The following ZNF786 variants were observed in gnomAD, a reference collection of about 807,000 sequenced individuals.
The protein encoded by ZNF786 is zinc finger protein 786.
ZNF786 carries 56 observed loss-of-function variants against 63.1 expected under a neutral mutation model. That is an observed-to-expected ratio of 0.89 (90% CI 0.72 to 1.11). The LOEUF (loss-of-function observed/expected upper bound fraction) is 1.11. Ranked by LOEUF, ZNF786 falls within the 50% of genes least tolerant of loss-of-function variation. The probability of loss-of-function intolerance (pLI) is 0.00; values close to 1 mark genes in which losing one functional copy is unlikely to be tolerated. For synonymous variants in ZNF786, 485 were observed against 406.9 expected (o/e 1.19, Z -2.31); for missense variants, 1,213 against 1,041.8 (o/e 1.16, Z -2.26).
chr7:149,082,447 G>A (rs1825667644), intron 1 of ZNF786: 8 of 580,030 alleles, frequency 1.4e-5, no homozygotes, highest in Non-Finnish European at 1.7e-5. Context: ...ACAACTAGGA[G>A]TATGTAAATT....
chr7:149,085,512 T>C (rs555601544), intron 1 of ZNF786, among the ~76,000 whole-genome samples: 1 of 152,302 alleles, frequency 6.6e-6, no homozygotes, highest in Admixed American at 6.5e-5. Context: ...GTATGGGGTT[T>C]CACCATATTG....
In ZNF786 at chr7:149,071,045, C is replaced by A. The variant is rs376663329; in HGVS notation, c.1727G>T (p.Arg576Ile). ...SCGECGKGFT[R>I]QSKLTEHLRV... is the part of the protein sequence containing the mutation. The stretch of plus-strand genomic sequence containing the variant: ...CAAGTGCTCCGTGAGCTTGGATTGT[C>A]TGGTGAAGCCCTTGCCACACTCCCC... The change falls in exon 4 of 4, where the codon AGA becomes ATA. Residue 576 changes from arginine to isoleucine, a missense_variant. Physicochemically the swap from Arg to Ile is moderately conservative, Grantham distance 97. Coordinates refer to ENST00000491431, the MANE Select transcript of ZNF786 (RefSeq NM_152411.4). 9.9e-6 allele frequency: 16 copies of A among 1,609,784 alleles called. No homozygotes were observed. Among genetic ancestry groups the A allele is most frequent in the Admixed American group, 1.7e-5 (1 of 59,752 alleles).
intron 1 of ZNF786, among the ~76,000 whole-genome samples, chr7:149,084,192 C>T (rs1266137129): frequency 4.0e-5 from 6 of 151,846 alleles, no homozygotes; most frequent in African/African-American, 1.5e-4. Flanking sequence ...GAAACCCCAT[C>T]TCTACTAAAA....
rs751057868 is a variant in ZNF786, at chr7:149,071,693, G to A, written c.1079C>T (p.Ala360Val). ...GGGCCCCTCTGCGCCATGCTGCAGC[G>A]CCTCCGTGTCCCCTTCCTGGTGGCT... ...GNSHQEGDTE[A>V]LQHGAEGPCS... The change falls in exon 4 of 4, where the codon GCG becomes GTG. Residue 360 changes from alanine to valine, a missense_variant. Ala to Val is a moderately conservative substitution (Grantham distance 64). Coordinates refer to ENST00000491431, the MANE Select transcript of ZNF786 (RefSeq NM_152411.4). 2 of 1,570,508 alleles carry A rather than the reference G, an allele frequency of 1.3e-6. No individual in the cohort carries two copies. The highest frequency in any genetic ancestry group is 8.6e-7 in the Non-Finnish European group (1 of 1,165,660).
In ZNF786 at chr7:149,090,633, TC is replaced by T; in HGVS notation, c.7del (p.Glu3SerfsTer7). On this transcript the variant is annotated frameshift_variant, in exon 1 of 4. Transcript: ENST00000491431. LOFTEE classifies it high-confidence loss of function. ...GGCTAGCCCGCTTACCCGAGGCGGC[TC>T]CGCCATGGTCCCCGCGGTCCCGCCC... Reference protein sequence around the residue: MAEPPRLPLTFED... With the variant: MAXPPRLPLTFED... 2 of 1,590,118 alleles carry T rather than the reference TC, an allele frequency of 1.3e-6. No individual in the cohort carries two copies. The highest frequency in any genetic ancestry group is 1.7e-6 in the Non-Finnish European group (2 of 1,167,338).
At chr7:149,072,522 C>T in intron 3 of ZNF786, 49 bp from the exon 4 acceptor site, 1 of 1,487,238 alleles carries the variant, frequency 6.7e-7, no homozygotes, top group Non-Finnish European at 8.9e-7. Context: ...TGCAGCACTA[C>T]TAGCGATTCT....
In ZNF786 at chr7:149,070,406, G is replaced by C. The variant is rs1277328322; in HGVS notation, c.*17C>G. On this transcript the variant is annotated 3_prime_UTR_variant, in exon 4 of 4. Transcript: ENST00000491431. ...CAATACCAATCCTGCTCAACGCTTT[G>C]GATGTCCCACTCTGCCTCAACTCCA... 6.2e-7 allele frequency: 1 copy of C among 1,608,414 alleles called. No homozygotes were observed. Among genetic ancestry groups the C allele is most frequent in the Admixed American group, 1.7e-5 (1 of 59,844 alleles).
intron 2 of ZNF786, 108 bp from the exon 3 acceptor site, chr7:149,074,646 TC>T: frequency 5.6e-6 from 6 of 1,079,160 alleles, no homozygotes; most frequent in South Asian, 2.2e-5. Context: ...GAACAACATG[TC>T]AAAAAAAAAA....
chr7:149,080,503 G>C, intron 2 of ZNF786, 88 bp downstream of exon 2: 1 of 1,335,088 alleles, frequency 7.5e-7, no homozygotes, highest in Non-Finnish European at 9.9e-7. Flanking sequence ...GAGAAATCTT[G>C]CTACCTGAGA....
chr7:149,070,831 C>T lies in ZNF786; in HGVS notation c.1941G>A (p.Met647Ile), dbSNP rs775537628. 1.2e-5 allele frequency: 19 copies of T among 1,613,748 alleles called. No individual in the cohort carries two copies. Among genetic ancestry groups the T allele is most frequent in the Admixed American group, 5.0e-5 (3 of 60,004 alleles). ...CCTTGCCGCACTCACAGGAGAAAGG[C>T]ATCTCCCCGCTGTGCAGCAGCTGGT... ...KAHQLLHSGE[M>I]PFSCECGKGF... Residue 647 changes from methionine (M) to isoleucine (I), a missense_variant, in exon 4 of 4, where the codon ATG becomes ATA. Met to Ile is a conservative substitution (Grantham distance 10). Coordinates refer to ENST00000491431, the MANE Select transcript of ZNF786 (RefSeq NM_152411.4).
intron 1 of ZNF786, among the ~76,000 whole-genome samples, chr7:149,084,623 T>C (rs1437264085): frequency 6.6e-6 from 1 of 152,230 alleles, no homozygotes; most frequent in Non-Finnish European, 1.5e-5. Flanking sequence ...TGTCTGTTCA[T>C]GTCCTTTGCC....
rs1825383410 is a variant in ZNF786 at position 149,070,565 on chromosome 7, T to C, written c.2207A>G (p.Asp736Gly). 1 of 1,614,012 alleles carries C rather than the reference T, an allele frequency of 6.2e-7. No individual in the cohort carries two copies. Reference sequence around the variant, plus strand: ...CTTGTAAATGAAGCCCTTCCCACAATCGCCACAGGCAAAGGGCCTCTCGGG... The same window carrying C: ...CTTGTAAATGAAGCCCTTCCCACAACCGCCACAGGCAAAGGGCCTCTCGGG... ...HRPERPFACG[D>G]CGKGFIYKSK... The change falls in exon 4 of 4, where the codon GAT becomes GGT. Residue 736 changes from aspartate (D) to glycine (G), a missense_variant. By Grantham distance (94) the Asp-to-Gly change is moderately conservative. Coordinates refer to ENST00000491431, the MANE Select transcript of ZNF786 (RefSeq NM_152411.4).
Position 149,071,664 on chromosome 7 carries a change from A to C in ZNF786, c.1108T>G (p.Ser370Ala), listed in dbSNP as rs777006177. 1 of 1,568,572 alleles carries C rather than the reference A, an allele frequency of 6.4e-7. No homozygotes were observed. Among genetic ancestry groups the C allele is most frequent in the South Asian group, 1.1e-5 (1 of 87,182 alleles). Residue 370 changes from serine to alanine, a missense_variant, in exon 4 of 4, where the codon TCC (serine) becomes GCC (alanine). By Grantham distance (99) the Ser-to-Ala change is moderately conservative. Transcript: ENST00000491431. Reference sequence around the variant, plus strand: ...GAGCGCTCGCCACACTCCGAGCAGGAGCAGGGCCCCTCTGCGCCATGCTGC... The same window carrying C: ...GAGCGCTCGCCACACTCCGAGCAGGCGCAGGGCCCCTCTGCGCCATGCTGC... ...ALQHGAEGPC[S>A]CSECGERSPM...
Position 149,072,003 on chromosome 7 carries a change from G to T in ZNF786, c.769C>A (p.Arg257Ser). Reference protein sequence around the residue: ...KSFRRKLCLLRHLAAHTGRGP... With the variant: ...KSFRRKLCLLSHLAAHTGRGP... ...CTCCCCGTGTGGGCCGCCAGATGGC[G>T]CAGCAGACACAGCTTCCGGCGGAAG... is the stretch of plus-strand genomic sequence containing the variant. The change falls in exon 4 of 4, where the codon CGC (arginine) becomes AGC (serine). Residue 257 changes from arginine (R) to serine (S), a missense_variant. Arg to Ser is a moderately radical substitution (Grantham distance 110). Transcript: ENST00000491431. 6.2e-7 allele frequency: 1 copy of T among 1,612,772 alleles called. No homozygotes were observed.
chr7:149,072,263 T>C lies in ZNF786; in HGVS notation c.509A>G (p.Asn170Ser), dbSNP rs1233738929. 3 of 1,613,542 alleles carry C rather than the reference T, an allele frequency of 1.9e-6. No homozygotes were observed. Among genetic ancestry groups the C allele is most frequent in the Non-Finnish European group, 2.5e-6 (3 of 1,179,778 alleles). ...GTCCCACAAACCAGGAAGATCCAGATTTCTGGGACCTGGGATTCCTTCTTT... is the reference window on the plus strand; with the variant it reads ...GTCCCACAAACCAGGAAGATCCAGACTTCTGGGACCTGGGATTCCTTCTTT... ...TLKEGIPGPR[N>S]LDLPGLWDVP... The change falls in exon 4 of 4, where the codon AAT (asparagine) becomes AGT (serine). Residue 170 changes from asparagine (N) to serine (S), a missense_variant. Asn to Ser is a conservative substitution (Grantham distance 46). Coordinates refer to ENST00000491431, the MANE Select transcript of ZNF786 (RefSeq NM_152411.4).
rs755054712 is a variant in ZNF786, at chr7:149,071,257, C to A, written c.1515G>T (p.Gly505=). 6 of 1,612,624 alleles carry A rather than the reference C, an allele frequency of 3.7e-6. No individual in the cohort carries two copies. The African/African-American group carries it at 6.7e-5, about 18-fold the overall frequency. ...MLRAHRLRHG[G]ERPFSCSECG... ...ACTCGCTACAGGAGAACGGCCTCTC[C>A]CCACCGTGCCGGAGCCGGTGGGCTC... is the stretch of plus-strand genomic sequence containing the variant. The change falls in exon 4 of 4, where the codon GGG becomes GGT. Residue 505 remains glycine (G), a synonymous_variant. Transcript: ENST00000491431.
intron 1 of ZNF786, among the ~76,000 whole-genome samples, chr7:149,084,942 T>C (rs1440096724): frequency 6.6e-6 from 1 of 152,224 alleles, no homozygotes; most frequent in African/African-American, 2.4e-5. Flanking sequence ...ATTTAAGTCT[T>C]TAATCCATGT....
chr7:149,075,707 A>C (rs1204113320), intron 2 of ZNF786, among the ~76,000 whole-genome samples: 1 of 87,302 alleles, frequency 1.1e-5, no homozygotes, highest in Non-Finnish European at 2.1e-5. Flanking sequence ...TGTGTCTCCC[A>C]GGCTGAAGTG....
At position 149,071,967 on chromosome 7, in the gene ZNF786, G is replaced by C; in HGVS notation, c.805C>G (p.Arg269Gly). The C allele has an allele frequency of 1.2e-6, 2 of 1,612,316 alleles. No homozygotes were observed. The highest frequency in any genetic ancestry group is 1.6e-4 in the Middle Eastern group (1 of 6,062). ...LAAHTGRGPF[R>G]NADGEMCFRH... Reference sequence around the variant, plus strand: ...AAGCACATTTCACCGTCAGCGTTCCGGAAGGGGCCCCTCCCCGTGTGGGCC... The same window carrying C: ...AAGCACATTTCACCGTCAGCGTTCCCGAAGGGGCCCCTCCCCGTGTGGGCC... Residue 269 changes from arginine to glycine, a missense_variant, in exon 4 of 4, where the codon CGG (arginine) becomes GGG (glycine). Coordinates refer to ENST00000491431, the MANE Select transcript of ZNF786 (RefSeq NM_152411.4).
Sources: allele counts gnomAD v4.1 joint callset (sites outside exome capture counted in the v4.1 genomes callset), GRCh38; gene constraint gnomAD v4.1.1; transcripts MANE v1.5; gene names NCBI Gene and HGNC (gene_info 2026-07-23, HGNC 2026-07-21).